Variants in MAGI2 observed in about 807,000 individuals in gnomAD.
MAGI2 encodes the protein membrane-associated guanylate kinase, WW and PDZ domain-containing protein 2.
Under a neutral mutation model 133.3 loss-of-function variants are expected in MAGI2, and 35 were observed. That is an observed-to-expected ratio of 0.26 (90% CI 0.20 to 0.35). MAGI2 has a LOEUF of 0.35. Among genes scored for constraint, MAGI2 ranks in the 10% least tolerant of loss-of-function variants. MAGI2 has a pLI of 1.00. For synonymous variants in MAGI2, 729 were observed against 710.6 expected, an observed-to-expected ratio of 1.03 and a Z score of -0.41; for missense variants, 1,636 against 1,863.4, an observed-to-expected ratio of 0.88 and a Z score of 2.25.
chr7:78,132,327 G>C (rs1036104512), intron 18 of MAGI2, among the ~76,000 whole-genome samples: 1 of 152,156 alleles, frequency 6.6e-6, no homozygotes, highest in South Asian at 2.1e-4. Flanking sequence ...TCCTGTCTGC[G>C]CTCTGCAGGG....
intron 1 of MAGI2, among the ~76,000 whole-genome samples, chr7:79,431,061 CATA>C (rs1847743562): frequency 2.6e-5 from 4 of 152,140 alleles, no homozygotes; most frequent in Admixed American, 1.3e-4. Flanking sequence ...TGGAAATAAT[CATA>C]ATAATTGGAA....
At position 79,393,755 on chromosome 7, in the gene MAGI2, C is replaced by G. The variant is rs1482897428; in HGVS notation, c.301+59265G>C. On this transcript the variant is annotated intron_variant, in intron 1 of 21. Transcript: ENST00000354212. ...TGTTATGTGAACATTTCTAATTCTC[C>G]TCCTCCAATAAGTTGAATATGTGAA... 3.3e-5 allele frequency among the ~76,000 whole-genome samples: 5 copies of G among 152,280 alleles called. No individual in the cohort carries two copies. The East Asian group carries it at 9.7e-4, about 29-fold the overall frequency.
intron 3 of MAGI2, among the ~76,000 whole-genome samples, chr7:78,594,322 C>T (rs547647855): frequency 1.3e-5 from 2 of 152,308 alleles, no homozygotes; most frequent in African/African-American, 4.8e-5. Context: ...TCAGCACTGA[C>T]TGAGTGATTA....
intron 6 of MAGI2, among the ~76,000 whole-genome samples, chr7:78,438,609 T>C (rs1311163481): frequency 6.6e-6 from 1 of 152,196 alleles, no homozygotes; most frequent in Non-Finnish European, 1.5e-5. Flanking sequence ...AATCCGTTGC[T>C]GTCCTCTCAG....
intron 2 of MAGI2, among the ~76,000 whole-genome samples, chr7:78,707,776 T>C (rs1409651685): frequency 6.6e-6 from 1 of 152,132 alleles, no homozygotes; most frequent in African/African-American, 2.4e-5. Flanking sequence ...TTTACATACC[T>C]AGATTTCATT....
chr7:79,343,302 C>T (rs1388434989), intron 1 of MAGI2: 1 of 151,884 alleles, frequency 6.6e-6, no homozygotes, highest in East Asian at 1.9e-4. Context: ...GTGTGTCATC[C>T]TTGCACAAGG....
At chr7:79,210,073 A>C (rs770668267) in intron 1 of MAGI2, among the ~76,000 whole-genome samples, 4 of 152,066 alleles carry the variant, frequency 2.6e-5, no homozygotes, top group Non-Finnish European at 5.9e-5. Context: ...TTTGCATTCA[A>C]ATCTAATTTA....
intron 3 of MAGI2, among the ~76,000 whole-genome samples, chr7:78,569,407 A>G (rs981845158): frequency 6.6e-6 from 1 of 152,218 alleles, no homozygotes; most frequent in African/African-American, 2.4e-5. Flanking sequence ...ATGCATGTGC[A>G]AGGACACACA....
intron 2 of MAGI2, among the ~76,000 whole-genome samples, chr7:78,791,731 G>A (rs923524417): frequency 6.6e-6 from 1 of 151,898 alleles, no homozygotes; most frequent in Non-Finnish European, 1.5e-5. Flanking sequence ...TGTGTTTTTA[G>A]TAGAGACAGG....
At chr7:79,295,872 T>C (rs2129559244) in intron 1 of MAGI2, among the ~76,000 whole-genome samples, 1 of 152,292 alleles carries the variant, frequency 6.6e-6, no homozygotes, top group South Asian at 2.1e-4. Context: ...CCAATTAAAT[T>C]GTGACAAATT....
chr7:79,196,630 C>T (rs1000209523), intron 1 of MAGI2, among the ~76,000 whole-genome samples: 1 of 151,944 alleles, frequency 6.6e-6, no homozygotes, highest in African/African-American at 2.4e-5. Flanking sequence ...CTATTGTTCA[C>T]TGTAGTGTGT....
intron 21 of MAGI2, among the ~76,000 whole-genome samples, chr7:78,064,045 T>C (rs1813557745): frequency 6.6e-6 from 1 of 152,200 alleles, no homozygotes; most frequent in Non-Finnish European, 1.5e-5. Flanking sequence ...CCCCATGGAT[T>C]ACAGACTAGT....
At chr7:78,882,109 G>GAAAAAAAAAAAAAAAAA (rs1795915418) in intron 2 of MAGI2, among the ~76,000 whole-genome samples, 1 of 50,848 alleles carries the variant, frequency 2.0e-5, no homozygotes, top group Non-Finnish European at 3.6e-5. Flanking sequence ...AAAAAAAAAA[G>GAAAAAAAAAAAAAAAAA]AAAAGAAAAA....
intron 1 of MAGI2, among the ~76,000 whole-genome samples, chr7:79,043,969 T>C (rs1441180573): frequency 6.6e-6 from 1 of 152,020 alleles, no homozygotes; most frequent in East Asian, 1.9e-4. Flanking sequence ...CTGGACTAGA[T>C]GGATTCACAG....
intron 2 of MAGI2, among the ~76,000 whole-genome samples, chr7:78,947,583 T>C (rs1801523697): frequency 6.6e-6 from 1 of 152,118 alleles, no homozygotes; most frequent in Non-Finnish European, 1.5e-5. Context: ...TTCTATAGGC[T>C]GAATTTAGAA....
Position 79,313,257 on chromosome 7 carries a change from C to G in MAGI2, c.301+139763G>C, listed in dbSNP as rs938515235. Among the ~76,000 whole-genome samples the G allele has an allele frequency of 3.9e-5, 6 of 152,090 alleles. No homozygotes were observed. In the East Asian group the frequency reaches 1.2e-3, roughly 29 times the overall value. ...ACAAAAACCAGGCAAACTTTATTTT[C>G]TGAAGCATCAACTCCAGTTATAATT... On this transcript the variant is annotated intron_variant, in intron 1 of 21. Coordinates refer to ENST00000354212, the MANE Select transcript of MAGI2 (RefSeq NM_012301.4).
intron 2 of MAGI2, among the ~76,000 whole-genome samples, chr7:78,664,041 T>C (rs891987802): frequency 4.6e-5 from 7 of 152,244 alleles, no homozygotes; most frequent in Admixed American, 1.3e-4. Context: ...TTATATTTCA[T>C]AGTTTTTCAG....
At chr7:79,137,443 G>GTTTTT (rs1366101909) in intron 1 of MAGI2, among the ~76,000 whole-genome samples, 1 of 78,866 alleles carries the variant, frequency 1.3e-5, no homozygotes, top group Non-Finnish European at 3.6e-5. Context: ...ACTTCTGGGT[G>GTTTTT]TTTTTTGTTT....
At chr7:78,433,152 T>C (rs1475134690) in intron 6 of MAGI2, among the ~76,000 whole-genome samples, 2 of 152,100 alleles carry the variant, frequency 1.3e-5, no homozygotes, top group African/African-American at 4.8e-5. Context: ...GAATAATCAA[T>C]GTTTTCCCTT....
Sources: gnomAD v4.1 joint callset for allele counts (sites outside exome capture counted in the v4.1 genomes callset) on GRCh38, gnomAD v4.1.1 for gene constraint, MANE v1.5 for transcripts, NCBI Gene and HGNC (gene_info 2026-07-23, HGNC 2026-07-21) for gene names.